Variants in TGM6 observed in about 807,000 individuals in gnomAD.
The protein encoded by TGM6 is transglutaminase 6.
TGM6 carries 74 observed loss-of-function variants against 77.5 expected under a neutral mutation model. The ratio of observed to expected loss-of-function variants is 0.96; its 90% CI spans 0.79 to 1.16. The LOEUF is 1.16. Ranked by LOEUF, TGM6 falls within the 50% of genes most tolerant of loss-of-function variation. TGM6 has a pLI of 0.00. For synonymous variants in TGM6, 383 were observed against 378.9 expected, an observed-to-expected ratio of 1.01 and a Z score of -0.12; for missense variants, 968 against 940.2, an observed-to-expected ratio of 1.03 and a Z score of -0.39.
At chr20:2,414,979 G>T (rs980988438) in intron 9 of TGM6, among the ~76,000 whole-genome samples, 1 of 151,870 alleles carries the variant, frequency 6.6e-6, no homozygotes, top group Non-Finnish European at 1.5e-5. Context: ...TTGTGGTGAC[G>T]GGGTGCACAA....
chr20:2,383,903 C>G (rs2084573955), intron 1 of TGM6, among the ~76,000 whole-genome samples: 1 of 151,914 alleles, frequency 6.6e-6, no homozygotes, highest in Non-Finnish European at 1.5e-5. Context: ...GTCAGGAGAT[C>G]GAGACCATCC....
rs546583131 is a variant in TGM6, at chr20:2,389,002, G to A, written c.8-5450G>A. ...TATTCTTTTTACAATGGGACATGAC[G>A]TTGGTACATTTTCAGCAAGAGATGG... On this transcript the variant is annotated intron_variant, in intron 1 of 12. Transcript: ENST00000202625. Among the ~76,000 whole-genome samples, 12 of 152,292 alleles carry A rather than the reference G, an allele frequency of 7.9e-5. No individual in the cohort carries two copies. In the South Asian group the frequency reaches 1.7e-3, roughly 21 times the overall value.
chr20:2,386,921 G>T (rs766455008), intron 1 of TGM6, among the ~76,000 whole-genome samples: 11 of 152,188 alleles, frequency 7.2e-5, no homozygotes, highest in Non-Finnish European at 1.6e-4. Flanking sequence ...TACCAGGGCT[G>T]AGATAATTAC....
At chr20:2,393,459 G>A (rs973636942) in intron 1 of TGM6, among the ~76,000 whole-genome samples, 1 of 152,224 alleles carries the variant, frequency 6.6e-6, no homozygotes, top group Non-Finnish European at 1.5e-5. Context: ...TATGTGTTAG[G>A]TGAACATTCA....
intron 11 of TGM6, 121 bp from the exon 12 acceptor site, chr20:2,430,773 G>A: frequency 1.9e-6 from 3 of 1,591,990 alleles, no homozygotes; most frequent in Non-Finnish European, 1.7e-6. Flanking sequence ...ACTCAGCAAT[G>A]GGGTATATGG....
intron 10 of TGM6, among the ~76,000 whole-genome samples, chr20:2,422,541 T>C (rs534353486): frequency 1.1e-3 from 166 of 152,330 alleles, no homozygotes; most frequent in African/African-American, 3.5e-3. Context: ...AAAAGTTATA[T>C]TTACATTATA....
At chr20:2,392,358 G>A (rs918720111) in intron 1 of TGM6, among the ~76,000 whole-genome samples, 1 of 152,192 alleles carries the variant, frequency 6.6e-6, no homozygotes, top group Non-Finnish European at 1.5e-5. Flanking sequence ...TCTGGAGGAA[G>A]CCTTGCTTGT....
At chr20:2,425,663 T>C (rs115528112) in intron 10 of TGM6, among the ~76,000 whole-genome samples, 1,588 of 152,288 alleles carry the variant, frequency 0.01, 25 homozygotes, top group African/African-American at 0.036. Context: ...TTGTACTGAC[T>C]ACTCTGGGTC....
intron 7 of TGM6, 36 bp downstream of exon 7, chr20:2,400,480 G>C: frequency 1.2e-6 from 2 of 1,613,560 alleles, no homozygotes; most frequent in Non-Finnish European, 1.7e-6. Flanking sequence ...CGAGGGCTCT[G>C]GAAGCCCAGC....
intron 1 of TGM6, among the ~76,000 whole-genome samples, chr20:2,385,646 C>T (rs1318325999): frequency 6.6e-6 from 1 of 151,884 alleles, no homozygotes; most frequent in African/African-American, 2.4e-5. Context: ...TGGAATGTGA[C>T]AGCTTGAGAG....
chr20:2,392,692 G>C (rs1050809845), intron 1 of TGM6, among the ~76,000 whole-genome samples: 5 of 152,260 alleles, frequency 3.3e-5, no homozygotes, highest in African/African-American at 1.2e-4. Flanking sequence ...CGGACAGATT[G>C]CTTGAGCTCA....
intron 1 of TGM6, among the ~76,000 whole-genome samples, chr20:2,383,935 A>G (rs914666125): frequency 3.3e-5 from 5 of 151,898 alleles, no homozygotes; most frequent in Non-Finnish European, 2.9e-5. Flanking sequence ...GTGAAACCCC[A>G]TCTCTACTAA....
intron 10 of TGM6, among the ~76,000 whole-genome samples, chr20:2,418,762 C>T (rs2084835230): frequency 1.3e-5 from 2 of 152,088 alleles, no homozygotes; most frequent in Non-Finnish European, 2.9e-5. Flanking sequence ...TTTAACTGAC[C>T]TTATTCCAAC....
At chr20:2,381,061 T>C in intron 1 of TGM6, 86 bp downstream of exon 1, 1 of 1,547,498 alleles carries the variant, frequency 6.5e-7, no homozygotes. Flanking sequence ...TGACGTTTGA[T>C]CATCGATTGT....
At chr20:2,391,431 C>T (rs565188662) in intron 1 of TGM6, among the ~76,000 whole-genome samples, 22 of 151,096 alleles carry the variant, frequency 1.5e-4, no homozygotes, top group African/African-American at 5.1e-4. Context: ...GAGATATGTG[C>T]GACGTCGGGG....
At chr20:2,410,580 C>A (rs561889185) in intron 9 of TGM6, among the ~76,000 whole-genome samples, 5 of 152,242 alleles carry the variant, frequency 3.3e-5, no homozygotes, top group African/African-American at 1.2e-4. Flanking sequence ...GTGTGAGTAA[C>A]CCCGAGTAAC....
chr20:2,382,376 C>T (rs1460667856), intron 1 of TGM6, among the ~76,000 whole-genome samples: 1 of 152,206 alleles, frequency 6.6e-6, no homozygotes, highest in Admixed American at 6.5e-5. Context: ...TTTGTTCCTC[C>T]AAGATCTGCT....
At position 2,395,347 on chromosome 20, in the gene TGM6, A is replaced by G. The variant is rs2122347980; in HGVS notation, c.335A>G (p.Tyr112Cys). 2 of 1,614,236 alleles carry G rather than the reference A, an allele frequency of 1.2e-6. No individual in the cohort carries two copies. Among genetic ancestry groups the G allele is most frequent in the East Asian group, 2.2e-5 (1 of 44,886 alleles). ...CCTCCCAGTGCTGTCATTGGCCGCT[A>G]CCTGCTGAGCATCAGGCTTTCCTCT... ...ASPPSAVIGR[Y>C]LLSIRLSSHR... is the part of the protein sequence containing the mutation. Residue 112 changes from tyrosine to cysteine, a missense_variant, in exon 3 of 13, where the codon TAC (tyrosine) becomes TGC (cysteine). Tyr to Cys is a radical substitution (Grantham distance 194). Transcript: ENST00000202625.
At chr20:2,401,842 A>G (rs1007200705) in intron 7 of TGM6, among the ~76,000 whole-genome samples, 9 of 152,208 alleles carry the variant, frequency 5.9e-5, no homozygotes, top group Non-Finnish European at 1.3e-4. Flanking sequence ...TGCCTCAGTT[A>G]AAAACAAGTT....
Sources: allele counts gnomAD v4.1 joint callset (sites outside exome capture counted in the v4.1 genomes callset), GRCh38; gene constraint gnomAD v4.1.1; transcripts MANE v1.5; gene names NCBI Gene and HGNC (gene_info 2026-07-23, HGNC 2026-07-21).